TP63: variants seen among roughly 807,000 people sequenced by gnomAD.
The protein encoded by TP63 is tumor protein 63.
A neutral mutation model predicts 82.8 loss-of-function variants in TP63; 17 were observed. That is an observed-to-expected ratio of 0.21 (90% CI 0.14 to 0.31). TP63 has a LOEUF of 0.31. Among genes scored for constraint, TP63 ranks in the 10% least tolerant of loss-of-function variants. The probability of loss-of-function intolerance (pLI) is 1.00; values close to 1 mark genes in which losing one functional copy is unlikely to be tolerated. For missense variants in TP63, 648 were observed against 895.3 expected (o/e 0.72, Z 3.52); for synonymous variants, 330 against 321.7 (o/e 1.03, Z -0.28).
chr3:189,894,372 T>C lies in TP63; in HGVS notation c.1913T>C (p.Val638Ala). ...VGSSETRGER[V>A]IDAVRFTLRQ... ...TCCAGTGAGACCCGGGGTGAGCGTG[T>C]TATTGATGCTGTGCGATTCACCCTC... The change falls in exon 14 of 14, where the codon GTT becomes GCT. Residue 638 changes from valine (V) to alanine (A), a missense_variant. Transcript: ENST00000264731. The C allele has an allele frequency of 6.2e-7, 1 of 1,613,904 alleles. No homozygotes were observed. Among genetic ancestry groups the C allele is most frequent in the Non-Finnish European group, 8.5e-7 (1 of 1,179,982 alleles).
chr3:189,684,913 T>A (rs1486755676), intron 1 of TP63, among the ~76,000 whole-genome samples: 1 of 152,128 alleles, frequency 6.6e-6, no homozygotes, highest in African/African-American at 2.4e-5. Flanking sequence ...ATTACAGGTG[T>A]GAACTACCGT....
intron 1 of TP63, among the ~76,000 whole-genome samples, chr3:189,735,225 C>T (rs1720490041): frequency 6.6e-6 from 1 of 152,130 alleles, no homozygotes; most frequent in African/African-American, 2.4e-5. Flanking sequence ...AAGTGGAGCC[C>T]CACGTGCCTT....
intron 3 of TP63, among the ~76,000 whole-genome samples, chr3:189,802,710 T>C (rs1726446245): frequency 6.6e-6 from 1 of 152,084 alleles, no homozygotes; most frequent in African/African-American, 2.4e-5. Context: ...CATACAGGAG[T>C]GTAAGGAGTA....
At chr3:189,603,465 A>G in the TP63 span, among the ~76,000 whole-genome samples, 1 of 151,992 alleles carries the variant, frequency 6.6e-6, no homozygotes, top group Non-Finnish European at 1.5e-5. Context: ...AGTGTTAATA[A>G]GAGCATGGGA....
chr3:189,670,330 A>G (rs1221772194), intron 1 of TP63, among the ~76,000 whole-genome samples: 1 of 152,084 alleles, frequency 6.6e-6, no homozygotes, highest in Non-Finnish European at 1.5e-5. Context: ...ACCAATCGAT[A>G]TTTGTAGCAC....
In TP63 at chr3:189,736,135, T is replaced by G. The variant is rs114872887; in HGVS notation, c.63-1605T>G. ...ATGAATATTTTAAATGATATATATT[T>G]ATATCATTTAAATATATAAATATAT... On this transcript the variant is annotated intron_variant, in intron 1 of 13. Transcript: ENST00000264731. 3.3e-3 allele frequency among the ~76,000 whole-genome samples: 497 copies of G among 148,502 alleles called. 1 individual carries two copies. Among genetic ancestry groups the G allele is most frequent in the Middle Eastern group, 0.029 (8 of 280 alleles).
Position 189,637,235 on chromosome 3 carries a change from C to T in TP63, c.62+5658C>T, listed in dbSNP as rs150600676. 6.9e-3 allele frequency among the ~76,000 whole-genome samples: 1,039 copies of T among 151,660 alleles called. 13 individuals are homozygous for T. Among genetic ancestry groups the T allele is most frequent in the African/African-American group, 0.024 (975 of 41,452 alleles). ...ACAAAAACTCCACATAGACAGTGAC[C>T]TCAGCTGGGAACTGAATTTTTTTTT... On this transcript the variant is annotated intron_variant, in intron 1 of 13. Coordinates refer to ENST00000264731, the MANE Select transcript of TP63 (RefSeq NM_003722.5).
At chr3:189,620,506 C>CAAAA in the TP63 span, among the ~76,000 whole-genome samples, 68 of 68,954 alleles carry the variant, frequency 9.9e-4, 8 homozygotes, top group South Asian at 2.5e-3. Context: ...AAGACTCCAT[C>CAAAA]AAAAAAAAAA....
intron 10 of TP63, chr3:189,880,870 T>G (rs1425050147): frequency 1.0e-6 from 1 of 985,306 alleles, no homozygotes; most frequent in Non-Finnish European, 1.2e-6. Flanking sequence ...CCTCTGCCAC[T>G]GTATGTTGGC....
intron 4 of TP63, among the ~76,000 whole-genome samples, chr3:189,853,655 G>A (rs1715929275): frequency 6.6e-6 from 1 of 152,026 alleles, no homozygotes; most frequent in African/African-American, 2.4e-5. Flanking sequence ...TATCCCCTTT[G>A]AATTTACCCT....
At chr3:189,788,238 G>A (rs146317744) in intron 3 of TP63, among the ~76,000 whole-genome samples, 62 of 152,018 alleles carry the variant, frequency 4.1e-4, no homozygotes, top group Middle Eastern at 3.4e-3. Flanking sequence ...GCATACTCAA[G>A]ATCAAATTAT....
intron 1 of TP63, among the ~76,000 whole-genome samples, chr3:189,691,358 AAAG>A (rs1716912943): frequency 1.4e-5 from 2 of 147,038 alleles, no homozygotes; most frequent in African/African-American, 5.4e-5. Context: ...AAAAAAAAAA[AAAG>A]AAAAAGAAAA....
intron 3 of TP63, among the ~76,000 whole-genome samples, chr3:189,797,275 T>C (rs1375557300): frequency 1.3e-5 from 2 of 152,082 alleles, no homozygotes; most frequent in African/African-American, 2.4e-5. Context: ...AAAGAAATAG[T>C]TCTACTTTCT....
intron 3 of TP63, among the ~76,000 whole-genome samples, chr3:189,787,784 T>C (rs1413214412): frequency 6.6e-6 from 1 of 152,076 alleles, no homozygotes; most frequent in Non-Finnish European, 1.5e-5. Flanking sequence ...CAGCATTTCC[T>C]CTAGATCATT....
chr3:189,601,144 G>A, the TP63 span, among the ~76,000 whole-genome samples: 1 of 152,214 alleles, frequency 6.6e-6, no homozygotes, highest in Admixed American at 6.5e-5. Flanking sequence ...CAGGTTGGAT[G>A]TGTTCTTTTG....
intron 10 of TP63, 182 bp downstream of exon 10, chr3:189,873,177 C>A (rs993270605): frequency 5.0e-6 from 4 of 802,068 alleles, no homozygotes; most frequent in Non-Finnish European, 8.2e-6. Flanking sequence ...CTTATTATAA[C>A]CTTCCCTTCA....
chr3:189,790,066 TG>T (rs1724982128), intron 3 of TP63, among the ~76,000 whole-genome samples: 2 of 151,872 alleles, frequency 1.3e-5, no homozygotes, highest in Admixed American at 6.6e-5. Flanking sequence ...AAAGAAAATC[TG>T]GGTGACATTA....
chr3:189,837,084 G>C (rs16864828), intron 4 of TP63, among the ~76,000 whole-genome samples: 28,384 of 152,040 alleles, frequency 0.19, 3,250 homozygotes, highest in Non-Finnish European at 0.27. Context: ...CACGGTGTAC[G>C]ATGCTTCCAA....
intron 4 of TP63, among the ~76,000 whole-genome samples, chr3:189,857,056 A>G (rs1716382748): frequency 6.6e-6 from 1 of 152,144 alleles, no homozygotes; most frequent in African/African-American, 2.4e-5. Flanking sequence ...ATCAAAGGAT[A>G]TAAAATAGCC....
Sources: allele counts gnomAD v4.1 joint callset (sites outside exome capture counted in the v4.1 genomes callset), GRCh38; gene constraint gnomAD v4.1.1; transcripts MANE v1.5; gene names NCBI Gene and HGNC (gene_info 2026-07-23, HGNC 2026-07-21).